Variants in ESR1 observed in about 807,000 individuals in gnomAD.
The protein encoded by ESR1 is estrogen receptor 1.
A neutral mutation model predicts 52.7 loss-of-function variants in ESR1; 12 were observed. The ratio of observed to expected loss-of-function variants is 0.23; its 90% CI spans 0.15 to 0.37. The LOEUF (loss-of-function observed/expected upper bound fraction) is 0.37. Ranked by LOEUF, ESR1 falls within the 10% of genes least tolerant of loss-of-function variation. ESR1 has a pLI of 1.00. For missense variants in ESR1, 584 were observed against 779.7 expected, an observed-to-expected ratio of 0.75 and a Z score of 2.99; for synonymous variants, 305 against 316.8, an observed-to-expected ratio of 0.96 and a Z score of 0.39.
chr6:151,844,892 T>C (rs571492270), intron 2 of ESR1, among the ~76,000 whole-genome samples: 1 of 152,250 alleles, frequency 6.6e-6, no homozygotes, highest in South Asian at 2.1e-4. Flanking sequence ...AATGTACTTG[T>C]TCTCATGATA....
chr6:152,055,066 T>A (rs558961536), intron 5 of ESR1, among the ~76,000 whole-genome samples: 1 of 152,312 alleles, frequency 6.6e-6, no homozygotes, highest in Admixed American at 6.5e-5. Flanking sequence ...TTCCATATTT[T>A]ATTTTTTTTT....
At chr6:151,663,723 C>A (rs79145391) in intron 1 of ESR1, among the ~76,000 whole-genome samples, 2 of 152,106 alleles carry the variant, frequency 1.3e-5, no homozygotes, top group South Asian at 4.1e-4. Context: ...GAGGAAAAAC[C>A]TTATACATAG....
At chr6:151,876,094 A>G (rs528314259) in intron 2 of ESR1, among the ~76,000 whole-genome samples, 1 of 152,264 alleles carries the variant, frequency 6.6e-6, no homozygotes, top group African/African-American at 2.4e-5. Context: ...TTTGAAAAAT[A>G]ATTAGAAAAT....
rs1032363072 is a variant in ESR1, at chr6:152,061,813, A to G, written c.1369+689A>G. Among the ~76,000 whole-genome samples the G allele has an allele frequency of 6.6e-6, 1 of 152,126 alleles. No individual in the cohort carries two copies. The highest frequency in any genetic ancestry group is 2.4e-5 in the African/African-American group (1 of 41,416). On this transcript the variant is annotated intron_variant, in intron 6 of 7. Transcript: ENST00000206249. The surrounding 1 kb of genome is among the most constrained non-coding windows in gnomAD (Gnocchi z 4.3). ...TGGCTGTTGTATAAAGAGTTACTCT[A>G]TGTCACCAAGATGGAAACTATGGTT...
At chr6:151,710,018 C>G (rs936311891) in intron 2 of ESR1, among the ~76,000 whole-genome samples, 6 of 151,586 alleles carry the variant, frequency 4.0e-5, no homozygotes, top group African/African-American at 1.5e-4. Context: ...GTGGAAGGCT[C>G]AACTGCATCT....
intron 3 of ESR1, among the ~76,000 whole-genome samples, chr6:151,899,651 C>T (rs1392698733): frequency 4.0e-5 from 6 of 151,750 alleles, no homozygotes; most frequent in Admixed American, 1.3e-4. Flanking sequence ...GGGGTGGCTG[C>T]CGGGCTGAGG....
intron 3 of ESR1, among the ~76,000 whole-genome samples, chr6:151,884,054 G>C (rs868847426): frequency 1.3e-5 from 2 of 152,090 alleles, no homozygotes; most frequent in Non-Finnish European, 2.9e-5. Flanking sequence ...TCCCATAGGG[G>C]TTACTCAGTG....
At chr6:152,064,677 T>C (rs528261904) in intron 6 of ESR1, among the ~76,000 whole-genome samples, 1 of 152,368 alleles carries the variant, frequency 6.6e-6, no homozygotes, top group East Asian at 1.9e-4. Flanking sequence ...TCTCACTCTT[T>C]ATGCATGTAT....
rs546201866 is a variant in ESR1 at position 151,942,280 on chromosome 6, A to G, written c.761-1893A>G. Reference sequence around the variant, plus strand: ...TGAAACTTGTTAAGTTTGTACCTACATAATGGATTAAATTCAAAATCTCTG... The same window carrying G: ...TGAAACTTGTTAAGTTTGTACCTACGTAATGGATTAAATTCAAAATCTCTG... On this transcript the variant is annotated intron_variant, in intron 3 of 7. Coordinates refer to ENST00000206249, the MANE Select transcript of ESR1 (RefSeq NM_000125.4). Among the ~76,000 whole-genome samples, 23 of 152,366 alleles carry G rather than the reference A, an allele frequency of 1.5e-4. 1 individual carries two copies. In the South Asian group the frequency reaches 2.9e-3, roughly 19 times the overall value.
At chr6:151,814,115 C>G (rs1267908182) in intron 1 of ESR1, 1 of 152,276 alleles carries the variant, frequency 6.6e-6, no homozygotes. Flanking sequence ...CAGCAGCCAA[C>G]TTGTGCTTAC....
intron 4 of ESR1, among the ~76,000 whole-genome samples, chr6:151,960,678 C>T (rs1471346924): frequency 6.6e-6 from 1 of 152,176 alleles, no homozygotes; most frequent in Admixed American, 6.5e-5. Flanking sequence ...GGACTCATTG[C>T]AGGACTTTGA....
chr6:151,784,269 C>T (rs1253863524), intron 2 of ESR1, among the ~76,000 whole-genome samples: 1 of 152,028 alleles, frequency 6.6e-6, no homozygotes, highest in Non-Finnish European at 1.5e-5. Flanking sequence ...TGTCTATTCT[C>T]CCCTATTTAT....
chr6:151,989,436 T>C (rs1007452425), intron 4 of ESR1, among the ~76,000 whole-genome samples: 2 of 152,108 alleles, frequency 1.3e-5, no homozygotes, highest in Admixed American at 6.5e-5. Context: ...TTATGGCATT[T>C]ATAGTTACCT....
intron 1 of ESR1, among the ~76,000 whole-genome samples, chr6:151,674,493 C>T (rs1044638119): frequency 9.2e-5 from 14 of 152,126 alleles, no homozygotes; most frequent in African/African-American, 3.1e-4. Context: ...AATAAACATG[C>T]GTGTGCATGT....
chr6:151,768,299 T>C (rs1785227774), intron 2 of ESR1, among the ~76,000 whole-genome samples: 1 of 152,212 alleles, frequency 6.6e-6, no homozygotes, highest in Non-Finnish European at 1.5e-5. Context: ...ATTCTTGTGA[T>C]GTTCCTGCCA....
chr6:152,110,736 G>C (rs1332840088), intron 6 of ESR1, among the ~76,000 whole-genome samples: 1 of 152,124 alleles, frequency 6.6e-6, no homozygotes, highest in Non-Finnish European at 1.5e-5. Flanking sequence ...TGAGGAGAAA[G>C]AAAAACTCAT....
chr6:151,944,517 G>A lies in ESR1; in HGVS notation c.1096+9G>A, dbSNP rs1308409285. ...GGCGAAGAGGGTGCCAGGTAAGAAT[G>A]CGAAGCGCAGCTTTTAAGAGTCAAT... On this transcript the variant is annotated intron_variant, in intron 4 of 7. Transcript: ENST00000206249. 2 of 1,612,754 alleles carry A rather than the reference G, an allele frequency of 1.2e-6. No individual in the cohort carries two copies. The highest frequency in any genetic ancestry group is 3.3e-5 in the Admixed American group (2 of 60,024).
intron 4 of ESR1, among the ~76,000 whole-genome samples, chr6:152,008,651 T>A (rs1038721922): frequency 6.6e-6 from 1 of 152,084 alleles, no homozygotes; most frequent in African/African-American, 2.4e-5. Context: ...TTGTAACTCA[T>A]GAGACACACC....
chr6:151,720,689 G>A (rs1414946754), intron 2 of ESR1, among the ~76,000 whole-genome samples: 1 of 152,136 alleles, frequency 6.6e-6, no homozygotes, highest in Non-Finnish European at 1.5e-5. Flanking sequence ...TTGGAGAAGT[G>A]TTACATGAAA....
Sources: gnomAD v4.1 joint callset for allele counts (sites outside exome capture counted in the v4.1 genomes callset) on GRCh38, gnomAD v4.1.1 for gene constraint, Gnocchi (gnomAD v3.1) non-coding constraint, MANE v1.5 for transcripts, NCBI Gene and HGNC (gene_info 2026-07-23, HGNC 2026-07-21) for gene names.